USP13: variants seen among roughly 807,000 people sequenced by gnomAD.
The protein encoded by USP13 is ubiquitin specific peptidase 13.
Under a neutral mutation model 107.8 loss-of-function variants are expected in USP13, and 68 were observed. The ratio of observed to expected loss-of-function variants is 0.63; its 90% CI spans 0.52 to 0.77. The LOEUF (loss-of-function observed/expected upper bound fraction) is 0.77. Ranked by LOEUF, USP13 falls within the 30% of genes least tolerant of loss-of-function variation. USP13 has a pLI of 0.00. For synonymous variants in USP13, 377 were observed against 389.5 expected, an observed-to-expected ratio of 0.97 and a Z score of 0.38; for missense variants, 945 against 1,093.3, an observed-to-expected ratio of 0.86 and a Z score of 1.91.
At chr3:179,712,469 C>CAT (rs1382291316) in intron 6 of USP13, among the ~76,000 whole-genome samples, 3 of 151,922 alleles carry the variant, frequency 2.0e-5, no homozygotes, top group Non-Finnish European at 4.4e-5. Flanking sequence ...TTAATCAGTT[C>CAT]ATACACACAC....
chr3:179,778,536 G>A (rs1715624817), intron 19 of USP13, among the ~76,000 whole-genome samples: 1 of 152,160 alleles, frequency 6.6e-6, no homozygotes, highest in South Asian at 2.1e-4. Context: ...GGCCGAAGTG[G>A]GTGGATTACC....
intron 4 of USP13, among the ~76,000 whole-genome samples, chr3:179,702,969 T>A (rs1712588229): frequency 6.6e-6 from 1 of 152,218 alleles, no homozygotes; most frequent in African/African-American, 2.4e-5. Context: ...CCCTCATGAA[T>A]AAGTCTTTAT....
Position 179,784,191 on chromosome 3 carries a change from G to T in USP13, c.*50G>T. 1.5e-6 allele frequency: 2 copies of T among 1,339,574 alleles called. No homozygotes were observed. Among genetic ancestry groups the T allele is most frequent in the Non-Finnish European group, 2.1e-6 (2 of 971,584 alleles). 83.0% of individuals were successfully genotyped at this position (1,339,574 alleles called of 1,614,324 possible). ...AAGAAGCCATACGCCTTTTTAATTT[G>T]CCAAAAAAAAAAAGAAGAAGAAGAA... On this transcript the variant is annotated 3_prime_UTR_variant, in exon 21 of 21. Coordinates refer to ENST00000263966, the MANE Select transcript of USP13 (RefSeq NM_003940.3).
At chr3:179,764,833 A>G (rs1715122406) in intron 18 of USP13, among the ~76,000 whole-genome samples, 2 of 152,290 alleles carry the variant, frequency 1.3e-5, no homozygotes, top group South Asian at 4.2e-4. Context: ...TCTGCTCTCA[A>G]TTACTTCTTG....
chr3:179,710,701 G>A (rs940426113), intron 6 of USP13, among the ~76,000 whole-genome samples: 1 of 152,216 alleles, frequency 6.6e-6, no homozygotes, highest in African/African-American at 2.4e-5. Flanking sequence ...TCTTTGTTGT[G>A]TGAACATTGC....
At position 179,653,715 on chromosome 3, in the gene USP13, TC is replaced by T; in HGVS notation, c.168+323del. ...CCTGTTCCGAACTGCACGTTGCAGA[TC>T]GTTTGCGTCCTCCGCGGGGCAGAGC... On this transcript the variant is annotated intron_variant, in intron 1 of 20. Coordinates refer to ENST00000263966, the MANE Select transcript of USP13 (RefSeq NM_003940.3). This position sits in a 1 kb window ranked among gnomAD's most constrained non-coding sequence, Gnocchi z 4.0. The T allele has an allele frequency of 3.8e-6, 1 of 260,290 alleles. No individual in the cohort carries two copies. The highest frequency in any genetic ancestry group is 6.5e-5 in the South Asian group (1 of 15,460). The allele number at this position is 260,290 out of a possible 1,614,324, so 16.1% of individuals were successfully genotyped here.
At position 179,742,328 on chromosome 3, in the gene USP13, C is replaced by T. The variant is rs1166010229; in HGVS notation, c.1512C>T (p.Ala504=). The change falls in exon 12 of 21, where the codon GCC becomes GCT. Residue 504 remains alanine (A), a synonymous_variant. Coordinates refer to ENST00000263966, the MANE Select transcript of USP13 (RefSeq NM_003940.3). This position sits in a 1 kb window ranked among gnomAD's most constrained non-coding sequence, Gnocchi z 5.0. The part of the protein sequence containing the change: ...RVDYLMQLPV[A]MEAATNKDEL... ...ATTACCTGATGCAGTTACCTGTGGC[C>T]ATGGAGGCGGCAACCAACAAGGGTA... 6.2e-7 allele frequency: 1 copy of T among 1,614,164 alleles called. No homozygotes were observed. The highest frequency in any genetic ancestry group is 8.5e-7 in the Non-Finnish European group (1 of 1,180,022).
chr3:179,669,165 TAAAATTATATC>T (rs1368830159), intron 1 of USP13, among the ~76,000 whole-genome samples: 1 of 152,192 alleles, frequency 6.6e-6, no homozygotes, highest in African/African-American at 2.4e-5. Flanking sequence ...CGCTCTATCC[TAAAATTATATC>T]CTGGCTGGGC....
chr3:179,714,606 C>G (rs991018264), intron 6 of USP13, among the ~76,000 whole-genome samples: 3 of 152,120 alleles, frequency 2.0e-5, no homozygotes, highest in Non-Finnish European at 4.4e-5. Flanking sequence ...ATGGAGCAAA[C>G]AAATGGAGGA....
chr3:179,662,553 G>GA lies in USP13; in HGVS notation c.168+9166dup, dbSNP rs1234182885. On this transcript the variant is annotated intron_variant, in intron 1 of 20. Coordinates refer to ENST00000263966, the MANE Select transcript of USP13 (RefSeq NM_003940.3). ...ACTTTAGTGCTATAGCTTATGTCTT[G>GA]AAAAAATCCCTTTGCTGTCCTTTGA... Among the ~76,000 whole-genome samples the GA allele has an allele frequency of 2.0e-5, 3 of 152,172 alleles. No individual in the cohort carries two copies. In the East Asian group the frequency reaches 5.8e-4, roughly 29 times the overall value.
chr3:179,737,654 G>A (rs1324666470), intron 10 of USP13, among the ~76,000 whole-genome samples: 1 of 152,230 alleles, frequency 6.6e-6, no homozygotes, highest in African/African-American at 2.4e-5. Flanking sequence ...CTGAAGCCGT[G>A]TATGTGTGTA....
intron 10 of USP13, among the ~76,000 whole-genome samples, chr3:179,733,302 C>T (rs897979572): frequency 2.0e-5 from 3 of 152,156 alleles, no homozygotes; most frequent in Admixed American, 6.5e-5. Flanking sequence ...GGAGACAAGT[C>T]GGTCTTTGGT....
chr3:179,682,220 T>C (rs1418833960), intron 2 of USP13, among the ~76,000 whole-genome samples: 3 of 145,390 alleles, frequency 2.1e-5, no homozygotes, highest in African/African-American at 5.0e-5. Context: ...GATTGGTGTT[T>C]TTAAGAATAC....
At chr3:179,765,210 A>C (rs1208434512) in intron 18 of USP13, among the ~76,000 whole-genome samples, 1 of 152,226 alleles carries the variant, frequency 6.6e-6, no homozygotes, top group Non-Finnish European at 1.5e-5. Flanking sequence ...CTGGAATTCA[A>C]ACATTTTACC....
At chr3:179,698,207 A>C (rs920062099) in intron 3 of USP13, among the ~76,000 whole-genome samples, 1 of 152,206 alleles carries the variant, frequency 6.6e-6, no homozygotes, top group Non-Finnish European at 1.5e-5. Flanking sequence ...ATTTCACAGA[A>C]GATCCCCACA....
chr3:179,753,752 T>C (rs1394565844), intron 14 of USP13, among the ~76,000 whole-genome samples: 2 of 152,218 alleles, frequency 1.3e-5, no homozygotes, highest in Non-Finnish European at 2.9e-5. Flanking sequence ...ATAACTGATT[T>C]TGGGGACAGT....
intron 19 of USP13, among the ~76,000 whole-genome samples, chr3:179,776,428 T>C (rs1035590916): frequency 6.6e-6 from 1 of 152,192 alleles, no homozygotes; most frequent in Admixed American, 6.5e-5. Context: ...TAAACAGTCC[T>C]TTCTCAAATA....
At chr3:179,717,590 A>T (rs551969916) in intron 6 of USP13, among the ~76,000 whole-genome samples, 1 of 152,326 alleles carries the variant, frequency 6.6e-6, no homozygotes, top group South Asian at 2.1e-4. Flanking sequence ...CCTGATCATT[A>T]GAGGCTTAAA....
intron 20 of USP13, among the ~76,000 whole-genome samples, chr3:179,783,428 C>G (rs1406928791): frequency 2.0e-5 from 3 of 152,118 alleles, no homozygotes; most frequent in African/African-American, 7.2e-5. Context: ...AGTAATTTCC[C>G]ATTTCATATT....
Sources: allele counts gnomAD v4.1 joint callset (sites outside exome capture counted in the v4.1 genomes callset), GRCh38; gene constraint gnomAD v4.1.1; non-coding constraint Gnocchi (gnomAD v3.1); transcripts MANE v1.5; gene names NCBI Gene and HGNC (gene_info 2026-07-23, HGNC 2026-07-21).